MEGF8: variants seen among roughly 807,000 people sequenced by gnomAD.
MEGF8 encodes multiple epidermal growth factor-like domains protein 8.
A neutral mutation model predicts 302.9 loss-of-function variants in MEGF8; 156 were observed. The ratio of observed to expected loss-of-function variants is 0.52; its 90% CI spans 0.45 to 0.59. The LOEUF (loss-of-function observed/expected upper bound fraction) is 0.59. MEGF8 is among the 20% of genes least tolerant of loss of function. MEGF8 has a pLI of 0.00. For missense variants in MEGF8, 3,345 were observed against 3,964.5 expected (o/e 0.84, Z 4.20); for synonymous variants, 1,621 against 1,660.5 (o/e 0.98, Z 0.58).
intron 40 of MEGF8, 23 bp from the exon 41 acceptor site, chr19:42,371,327 G>T: frequency 6.2e-7 from 1 of 1,612,788 alleles, no homozygotes; most frequent in African/African-American, 1.3e-5. Context: ...TGGGGGCTCC[G>T]TAACCCTCAA....
chr19:42,370,360 G>C lies in MEGF8; in HGVS notation c.7005+1G>C, dbSNP rs1224632697. ...GAAGTACTCACTGGACCCAGAGGAG[G>C]TGAAAGAGAGGGGTCAGATGCCTGG... On this transcript the variant is annotated splice_donor_variant, in intron 39 of 41. Transcript: ENST00000251268. LOFTEE classifies it high-confidence loss of function. 1.9e-6 allele frequency: 3 copies of C among 1,566,616 alleles called. No individual in the cohort carries two copies. The highest frequency in any genetic ancestry group is 2.6e-6 in the Non-Finnish European group (3 of 1,155,856).
rs1358525262 is a variant in MEGF8 at position 42,351,652 on chromosome 19, C to T, written c.2992C>T (p.His998Tyr). The T allele has an allele frequency of 1.9e-6, 3 of 1,588,296 alleles. No individual in the cohort carries two copies. Among genetic ancestry groups the T allele is most frequent in the East Asian group, 2.3e-5 (1 of 43,212 alleles). The change falls in exon 18 of 42, where the codon CAC (histidine) becomes TAC (tyrosine). Residue 998 changes from histidine to tyrosine, a missense_variant. By Grantham distance (83) the His-to-Tyr change is moderately conservative. Coordinates refer to ENST00000251268, the MANE Select transcript of MEGF8 (RefSeq NM_001271938.2). This position sits in a 1 kb window ranked among gnomAD's most constrained non-coding sequence, Gnocchi z 5.6. The stretch of plus-strand genomic sequence containing the variant: ...CCCACCCCTGCCATCCTGCAGTGTA[C>T]ACTCGGAGCCACGGTGCCGGAGCTG... ...GGCRGWDDSV[H>Y]SEPRCRSCDG...
chr19:42,360,161 A>C (rs1199952311), intron 31 of MEGF8, among the ~76,000 whole-genome samples: 1 of 151,878 alleles, frequency 6.6e-6, no homozygotes, highest in Non-Finnish European at 1.5e-5. Flanking sequence ...AAAAAAAAAA[A>C]AAAAAAGCAT....
At position 42,349,561 on chromosome 19, in the gene MEGF8, G is replaced by T. The variant is rs1417186187; in HGVS notation, c.2361G>T (p.Gly787=). 1.2e-6 allele frequency: 2 copies of T among 1,612,044 alleles called. No homozygotes were observed. Among genetic ancestry groups the T allele is most frequent in the South Asian group, 2.2e-5 (2 of 91,078 alleles). Residue 787 remains glycine (G), a synonymous_variant, in exon 14 of 42, where the codon GGG becomes GGT. Transcript: ENST00000251268. ...AGACGCGGCGGCTGCAGCGCCCTGG[G>T]TCTGCTCGCCTCTTCCCTCTGCCTG... is the stretch of plus-strand genomic sequence containing the variant. ...EKETRRLQRP[G]SARLFPLPGR...
intron 3 of MEGF8, 68 bp from the exon 4 acceptor site, chr19:42,334,967 G>A (rs1954675582): frequency 6.8e-7 from 1 of 1,469,270 alleles, no homozygotes; most frequent in Non-Finnish European, 9.1e-7. Flanking sequence ...TCCTCTCTGT[G>A]TCTCCTTTGT....
intron 41 of MEGF8, among the ~76,000 whole-genome samples, chr19:42,371,846 G>T (rs1222436432): frequency 1.3e-5 from 2 of 152,150 alleles, no homozygotes; most frequent in East Asian, 3.8e-4. Flanking sequence ...ACTTTGGGAG[G>T]CTGAGGCGGG....
chr19:42,358,611 T>C lies in MEGF8; in HGVS notation c.5176-176T>C, dbSNP rs1336735017. On this transcript the variant is annotated intron_variant, in intron 29 of 41. Transcript: ENST00000251268. The surrounding 1 kb of genome is among the most constrained non-coding windows in gnomAD (Gnocchi z 4.4). ...ATAAACCAGGACTGAGGCTCCCCGCTCTTTCTGCCTTCAAGGCCAAGGAGA... is the reference window on the plus strand; with the variant it reads ...ATAAACCAGGACTGAGGCTCCCCGCCCTTTCTGCCTTCAAGGCCAAGGAGA... Among the ~76,000 whole-genome samples, 1 of 152,102 alleles carries C rather than the reference T, an allele frequency of 6.6e-6. No homozygotes were observed. The highest frequency in any genetic ancestry group is 2.4e-5 in the African/African-American group (1 of 41,412).
intron 3 of MEGF8, among the ~76,000 whole-genome samples, chr19:42,334,750 T>C (rs1234353323): frequency 1.3e-5 from 2 of 152,192 alleles, no homozygotes; most frequent in Non-Finnish European, 2.9e-5. Flanking sequence ...TCTTTTCCTT[T>C]TTCTGTTGGT....
rs75621534 is a variant in MEGF8, at chr19:42,341,727, G to A, written c.1514-1750G>A. Among the ~76,000 whole-genome samples, 3 of 152,242 alleles carry A rather than the reference G, an allele frequency of 2.0e-5. No homozygotes were observed. In the East Asian group the frequency reaches 5.8e-4, roughly 29 times the overall value. On this transcript the variant is annotated intron_variant, in intron 8 of 41. Coordinates refer to ENST00000251268, the MANE Select transcript of MEGF8 (RefSeq NM_001271938.2). The stretch of plus-strand genomic sequence containing the variant: ...CTCCCAACGTGCTGTGATTATAGAC[G>A]TGAACTACCACGCCCAGACATATTG...
intron 23 of MEGF8, among the ~76,000 whole-genome samples, chr19:42,355,509 G>A (rs2039438013): frequency 6.6e-6 from 1 of 152,144 alleles, no homozygotes; most frequent in Non-Finnish European, 1.5e-5. Flanking sequence ...CGGTGTCCAG[G>A]TGGGACAGGA....
At position 42,362,543 on chromosome 19, in the gene MEGF8, G is replaced by A. The variant is rs775608612; in HGVS notation, c.6004G>A (p.Glu2002Lys). 2.5e-6 allele frequency: 4 copies of A among 1,613,458 alleles called. No homozygotes were observed. In the African/African-American group the frequency reaches 4.0e-5, roughly 16 times the overall value. The change falls in exon 34 of 42, where the codon GAG (glutamate) becomes AAG (lysine). Residue 2002 changes from glutamate to lysine, a missense_variant. Physicochemically the swap from Glu to Lys is moderately conservative, Grantham distance 56 (BLOSUM62 1). Coordinates refer to ENST00000251268, the MANE Select transcript of MEGF8 (RefSeq NM_001271938.2). Reference sequence around the variant, plus strand: ...GGCTGCGTGCGGGGCTGCTGACTGCGAGCAGTGCACGCGGGAGGGCAAGTG... The same window carrying A: ...GGCTGCGTGCGGGGCTGCTGACTGCAAGCAGTGCACGCGGGAGGGCAAGTG... ...SEAACGAADCEQCTREGKCMW... is the reference protein window; with the variant it reads ...SEAACGAADCKQCTREGKCMW...
At chr19:42,370,646 G>A in intron 39 of MEGF8, 55 bp from the exon 40 acceptor site, 1 of 1,559,204 alleles carries the variant, frequency 6.4e-7, no homozygotes, top group Non-Finnish European at 8.7e-7. Context: ...TGGGTCTGAG[G>A]GAGGAGGGGG....
At chr19:42,337,970 AT>A (rs1406013759) in intron 8 of MEGF8, among the ~76,000 whole-genome samples, 4 of 151,592 alleles carry the variant, frequency 2.6e-5, no homozygotes, top group African/African-American at 9.7e-5. Context: ...TGCCTGGCTA[AT>A]TTTTTTGTGT....
intron 35 of MEGF8, among the ~76,000 whole-genome samples, chr19:42,365,859 G>A (rs2147502292): frequency 6.6e-6 from 1 of 151,742 alleles, no homozygotes; most frequent in East Asian, 1.9e-4. Flanking sequence ...TGAGGTGGGT[G>A]GATCGTGAGG....
intron 40 of MEGF8, 60 bp from the exon 41 acceptor site, chr19:42,371,290 G>T: frequency 6.3e-7 from 1 of 1,589,828 alleles, no homozygotes; most frequent in Non-Finnish European, 8.6e-7. Flanking sequence ...CACATATGGG[G>T]TGTCCATCCT....
chr19:42,360,748 C>T (rs1352856387), intron 31 of MEGF8, 27 bp from the exon 32 acceptor site: 1 of 1,554,638 alleles, frequency 6.4e-7, no homozygotes, highest in African/African-American at 1.4e-5. Context: ...TGCTCTCTAT[C>T]TGTCTGAATA....
chr19:42,378,662 C>T lies in MEGF8; in HGVS notation c.*1887C>T, dbSNP rs1165050389. The T allele has an allele frequency of 7.1e-6, 1 of 141,324 alleles. No homozygotes were observed. The highest frequency in any genetic ancestry group is 1.6e-5 in the Non-Finnish European group (1 of 62,588). 8.8% of individuals were successfully genotyped at this position (141,324 alleles called of 1,614,324 possible). On this transcript the variant is annotated 3_prime_UTR_variant, in exon 42 of 42. Coordinates refer to ENST00000251268, the MANE Select transcript of MEGF8 (RefSeq NM_001271938.2). ...TGCATCTTCCCTTCGCGTGGAGCCT[C>T]AGTGTGAGAGGCCCTAGCCAATGCG...
At position 42,368,701 on chromosome 19, in the gene MEGF8, C is replaced by T; in HGVS notation, c.6481+39C>T. 1 of 1,531,748 alleles carries T rather than the reference C, an allele frequency of 6.5e-7. No homozygotes were observed. The highest frequency in any genetic ancestry group is 1.3e-5 in the South Asian group (1 of 79,496). The allele number at this position is 1,531,748 out of a possible 1,614,324, so 94.9% of individuals were successfully genotyped here. ...GGGCACTGGGGGAGAGGGGCTGGCC[C>T]TTGGTTGGGGTCTGATACAGTGAAC... On this transcript the variant is annotated intron_variant, in intron 36 of 41. Transcript: ENST00000251268. The surrounding 1 kb of genome is among the most constrained non-coding windows in gnomAD (Gnocchi z 4.9).
At chr19:42,370,862 G>A in intron 40 of MEGF8, 31 bp downstream of exon 40, 1 of 237,836 alleles carries the variant, frequency 4.2e-6, no homozygotes. Context: ...GGGGGGGGGG[G>A]GGGGGGGGGG....
Sources: allele counts gnomAD v4.1 joint callset (sites outside exome capture counted in the v4.1 genomes callset), GRCh38; gene constraint gnomAD v4.1.1; non-coding constraint Gnocchi (gnomAD v3.1); transcripts MANE v1.5; gene names NCBI Gene and HGNC (gene_info 2026-07-23, HGNC 2026-07-21).